Variants in CATSPERE observed in about 807,000 individuals in gnomAD.
CATSPERE encodes the protein catsper channel auxiliary subunit epsilon, also known as cation channel sperm-associated auxiliary subunit epsilon.
CATSPERE carries 93 observed loss-of-function variants against 114.1 expected under a neutral mutation model. The observed-to-expected ratio is 0.81, with a 90% CI of 0.69 to 0.97. The LOEUF (loss-of-function observed/expected upper bound fraction) is 0.97, where lower values mean the gene tolerates loss of function less well. Among genes scored for constraint, CATSPERE ranks in the 50% least tolerant of loss-of-function variants. The probability of loss-of-function intolerance (pLI) is 0.00; values close to 1 mark genes in which losing one functional copy is unlikely to be tolerated. For missense variants in CATSPERE, 1,058 were observed against 1,131.6 expected, an observed-to-expected ratio of 0.93 and a Z score of 0.93; for synonymous variants, 341 against 384.1, an observed-to-expected ratio of 0.89 and a Z score of 1.31.
At chr1:244,501,792 A>G (rs1160317344) in intron 7 of CATSPERE, among the ~76,000 whole-genome samples, 1 of 152,178 alleles carries the variant, frequency 6.6e-6, no homozygotes, top group African/African-American at 2.4e-5. Flanking sequence ...ATGGCTCTCC[A>G]TTAGAAACAG....
chr1:244,581,757 T>C (rs753259343), intron 11 of CATSPERE, 39 bp from the exon 12 acceptor site: 47 of 974,598 alleles, frequency 4.8e-5, no homozygotes, highest in Non-Finnish European at 5.9e-5. Flanking sequence ...CACCCCCAAT[T>C]TCCCTGCTTT....
intron 5 of CATSPERE, among the ~76,000 whole-genome samples, chr1:244,486,907 C>G (rs1381082640): frequency 7.9e-6 from 1 of 126,876 alleles, no homozygotes. Flanking sequence ...ATGTGGAGTA[C>G]TCGTGGGCCA....
At position 244,632,133 on chromosome 1, in the gene CATSPERE, C is replaced by T. The variant is rs143821401; in HGVS notation, c.2649-3356C>T. Reference sequence around the variant, plus strand: ...TACTGTGGCCATGTGTGGTGGCTCACGCCTGTAATCCCAGCACTTTGGGAG... The same window carrying T: ...TACTGTGGCCATGTGTGGTGGCTCATGCCTGTAATCCCAGCACTTTGGGAG... On this transcript the variant is annotated intron_variant, in intron 20 of 21. Transcript: ENST00000366534. 7.0e-3 allele frequency among the ~76,000 whole-genome samples: 1,059 copies of T among 152,104 alleles called. 9 individuals are homozygous for T. Among genetic ancestry groups the T allele is most frequent in the Middle Eastern group, 0.021 (6 of 292 alleles).
chr1:244,504,365 T>G lies in CATSPERE; in HGVS notation c.429+5286T>G, dbSNP rs1674505697. ...TTACAAAGATAGTACAAGGAGTTCC[T>G]GTTTATCCCACACCTAGTTTTCTCT... On this transcript the variant is annotated intron_variant, in intron 7 of 21. Coordinates refer to ENST00000366534, the MANE Select transcript of CATSPERE (RefSeq NM_001130957.2). The surrounding 1 kb of genome is among the most constrained non-coding windows in gnomAD (Gnocchi z 4.1). 6.6e-6 allele frequency among the ~76,000 whole-genome samples: 1 copy of G among 152,232 alleles called. No homozygotes were observed. Among genetic ancestry groups the G allele is most frequent in the Non-Finnish European group, 1.5e-5 (1 of 68,030 alleles).
upstream of CATSPERE, among the ~76,000 whole-genome samples, chr1:244,457,722 A>T (rs1336563462): frequency 6.6e-6 from 1 of 152,208 alleles, no homozygotes; most frequent in Non-Finnish European, 1.5e-5. Context: ...ACTTTCCAAA[A>T]TCAAATTATA....
At chr1:244,549,231 G>A (rs577488087) in intron 8 of CATSPERE, among the ~76,000 whole-genome samples, 2 of 152,282 alleles carry the variant, frequency 1.3e-5, no homozygotes, top group African/African-American at 4.8e-5. Flanking sequence ...GGAGATTTGA[G>A]TTATCCCTCA....
intron 2 of CATSPERE, among the ~76,000 whole-genome samples, chr1:244,468,085 A>G (rs1000547628): frequency 1.4e-5 from 2 of 146,200 alleles, no homozygotes; most frequent in Admixed American, 6.8e-5. Flanking sequence ...GGACCATTTT[A>G]TTGTTTTTTT....
intron 10 of CATSPERE, among the ~76,000 whole-genome samples, chr1:244,570,834 G>A (rs1047360543): frequency 5.3e-5 from 8 of 152,186 alleles, no homozygotes; most frequent in African/African-American, 1.7e-4. Flanking sequence ...TAGGCTGGGG[G>A]ATTGAGGTAG....
chr1:244,451,919 G>A, upstream of CATSPERE: 2 of 1,244,120 alleles, frequency 1.6e-6, no homozygotes, highest in Non-Finnish European at 1.1e-6. The surrounding 1 kb of genome is among the most constrained non-coding windows in gnomAD (Gnocchi z 6.6). Flanking sequence ...GGAAGAAGGA[G>A]CCAGAGGCCG....
chr1:244,567,839 T>C (rs760461276), intron 10 of CATSPERE, among the ~76,000 whole-genome samples: 2 of 152,122 alleles, frequency 1.3e-5, no homozygotes, highest in Non-Finnish European at 2.9e-5. Flanking sequence ...AGCCTACTTA[T>C]GTCAGTTCAT....
chr1:244,461,424 GGCGCCATGT>G lies in CATSPERE; in HGVS notation c.-5_4del. The G allele has an allele frequency of 1.5e-6, 2 of 1,375,810 alleles. No homozygotes were observed. Among genetic ancestry groups the G allele is most frequent in the Non-Finnish European group, 1.9e-6 (2 of 1,054,554 alleles). The allele number at this position is 1,375,810 out of a possible 1,614,324, so 85.2% of individuals were successfully genotyped here. A position where few individuals can be genotyped will look rare whatever the true frequency, so the allele number is the denominator to read the frequency against. On this transcript the variant is annotated start_lost and 5_prime_UTR_variant, in exon 1 of 22. Coordinates refer to ENST00000366534, the MANE Select transcript of CATSPERE (RefSeq NM_001130957.2). ...GAGGCGGTTGGGCGGAGGCGGAGCA[GGCGCCATGT>G]CAGCCCGGGAAGTGGCCGTGCTGCT...
intron 8 of CATSPERE, among the ~76,000 whole-genome samples, chr1:244,522,056 C>G (rs1466845820): frequency 6.6e-6 from 1 of 152,056 alleles, no homozygotes; most frequent in Non-Finnish European, 1.5e-5. Context: ...CACACCACAC[C>G]TATTCCAAAA....
At chr1:244,555,185 G>T (rs1314326796) in intron 9 of CATSPERE, among the ~76,000 whole-genome samples, 1 of 152,090 alleles carries the variant, frequency 6.6e-6, no homozygotes, top group Non-Finnish European at 1.5e-5. Flanking sequence ...AGGAGTTCGA[G>T]ACCAGCCTGG....
At chr1:244,489,714 A>G (rs533912526) in intron 5 of CATSPERE, among the ~76,000 whole-genome samples, 21 of 152,154 alleles carry the variant, frequency 1.4e-4, no homozygotes, top group African/African-American at 4.8e-4. Flanking sequence ...AGGTCAGGGT[A>G]TGGATTAACT....
chr1:244,524,931 C>T (rs747279336), intron 8 of CATSPERE, among the ~76,000 whole-genome samples: 6,353 of 133,368 alleles, frequency 0.048, 311 homozygotes, highest in African/African-American at 0.12. Flanking sequence ...GTCAGTGTGG[C>T]GGTTCCTCAG....
Position 244,625,430 on chromosome 1 carries a change from A to ATTTGTTTTTTT in CATSPERE, c.2648+7745_2648+7746insTTGTTTTTTTT, listed in dbSNP as rs1476267922. On this transcript the variant is annotated intron_variant, in intron 20 of 21. Coordinates refer to ENST00000366534, the MANE Select transcript of CATSPERE (RefSeq NM_001130957.2). ...TTTATATATATATATATATATATAT[A>ATTTGTTTTTTT]TATTTTTTTTTTTTTTTGAGATGGA... Among the ~76,000 whole-genome samples, 15 of 4,338 alleles carry ATTTGTTTTTTT rather than the reference A, an allele frequency of 3.5e-3. 2 individuals are homozygous for ATTTGTTTTTTT. The highest frequency in any genetic ancestry group is 7.7e-3 in the African/African-American group (14 of 1,830). 2.8% of individuals were successfully genotyped at this position (4,338 alleles called of 152,430 possible). A position where few individuals can be genotyped will look rare whatever the true frequency, so the allele number is the denominator to read the frequency against.
chr1:244,544,451 G>A (rs368009529), intron 8 of CATSPERE, among the ~76,000 whole-genome samples: 5 of 152,172 alleles, frequency 3.3e-5, no homozygotes, highest in Non-Finnish European at 7.3e-5. Context: ...AACCCATGCT[G>A]TGATTCTTCC....
chr1:244,519,086 T>C (rs3003273), intron 8 of CATSPERE, among the ~76,000 whole-genome samples: 67 of 152,242 alleles, frequency 4.4e-4, no homozygotes, highest in Admixed American at 8.5e-4. Context: ...CTGTTAAAGT[T>C]AGTAGGTTAT....
upstream of CATSPERE, chr1:244,451,796 G>A: frequency 1.3e-6 from 2 of 1,592,044 alleles, no homozygotes; most frequent in East Asian, 2.3e-5. This position sits in a 1 kb window ranked among gnomAD's most constrained non-coding sequence, Gnocchi z 6.6. Context: ...GATGCCGCCG[G>A]GTAGGTCTCG....
Sources: allele counts gnomAD v4.1 joint callset (sites outside exome capture counted in the v4.1 genomes callset), GRCh38; gene constraint gnomAD v4.1.1; non-coding constraint Gnocchi (gnomAD v3.1); transcripts MANE v1.5; gene names NCBI Gene and HGNC (gene_info 2026-07-23, HGNC 2026-07-21).